COL5A1: variants seen among roughly 807,000 people sequenced by gnomAD.
The protein encoded by COL5A1 is collagen type V alpha 1 chain.
Under a neutral mutation model 263.7 loss-of-function variants are expected in COL5A1, and 16 were observed. The ratio of observed to expected loss-of-function variants is 0.06; its 90% CI spans 0.04 to 0.09. COL5A1 has a LOEUF of 0.09. Ranked by LOEUF, COL5A1 falls within the 10% of genes least tolerant of loss-of-function variation. The probability of loss-of-function intolerance (pLI) is 1.00; values close to 1 mark genes in which losing one functional copy is unlikely to be tolerated. For missense variants in COL5A1, 2,036 were observed against 2,540.5 expected (o/e 0.80, Z 4.27); for synonymous variants, 1,012 against 1,004.5 (o/e 1.01, Z -0.14).
At chr9:134,831,759 G>A (rs1839639031) in intron 64 of COL5A1, among the ~76,000 whole-genome samples, 2 of 152,216 alleles carry the variant, frequency 1.3e-5, no homozygotes, top group East Asian at 1.9e-4. Flanking sequence ...TTCCTCGCTT[G>A]GAGGAAATGG....
At chr9:134,684,219 A>G (rs1216121428) in intron 1 of COL5A1, among the ~76,000 whole-genome samples, 1 of 152,132 alleles carries the variant, frequency 6.6e-6, no homozygotes, top group Non-Finnish European at 1.5e-5. Context: ...GTGCTCGGGC[A>G]CCAGTGGACG....
At chr9:134,656,187 GCTC>G (rs1386967038) in intron 1 of COL5A1, among the ~76,000 whole-genome samples, 1 of 152,152 alleles carries the variant, frequency 6.6e-6, no homozygotes, top group Admixed American at 6.5e-5. Flanking sequence ...GGGGCCTGCG[GCTC>G]CTCGTCCTGC....
intron 63 of COL5A1, among the ~76,000 whole-genome samples, chr9:134,828,682 A>T (rs371788582): frequency 9.4e-3 from 1 of 106 alleles, no homozygotes; most frequent in East Asian, 0.5. Flanking sequence ...TGCGCCATAC[A>T]CACCACACAT....
rs200793746 is a variant in COL5A1 at position 134,824,868 on chromosome 9, G to A, written c.4954+13G>A. On this transcript the variant is annotated intron_variant, in intron 62 of 65. Transcript: ENST00000371817. ...GACTTCCCAGATGGTGAGGGCCTGG[G>A]GGGGCAGGGGTGGCCCCCCAAAGCG... 2 of 1,606,610 alleles carry A rather than the reference G, an allele frequency of 1.2e-6. No individual in the cohort carries two copies. The highest frequency in any genetic ancestry group is 1.7e-5 in the Admixed American group (1 of 59,322).
intron 6 of COL5A1, among the ~76,000 whole-genome samples, chr9:134,729,526 G>C (rs1834793298): frequency 6.6e-6 from 1 of 151,342 alleles, no homozygotes; most frequent in Non-Finnish European, 1.5e-5. Flanking sequence ...GTGTGTGTGA[G>C]CGTGTGTGCA....
chr9:134,785,234 C>G (rs1837413677), intron 30 of COL5A1, 138 bp downstream of exon 30: 11 of 654,966 alleles, frequency 1.7e-5, no homozygotes, highest in Non-Finnish European at 3.0e-5. Context: ...TGTCTCCACC[C>G]TGGGTTCTCT....
chr9:134,745,408 A>T (rs1835474455), intron 11 of COL5A1, among the ~76,000 whole-genome samples: 1 of 152,128 alleles, frequency 6.6e-6, no homozygotes, highest in Admixed American at 6.5e-5. Context: ...CATCACGGTC[A>T]GTTAGTGGCA....
intron 4 of COL5A1, among the ~76,000 whole-genome samples, chr9:134,726,071 A>T (rs1834638000): frequency 6.6e-6 from 1 of 152,192 alleles, no homozygotes; most frequent in African/African-American, 2.4e-5. Flanking sequence ...TCACCTCTTT[A>T]AAAATACTCT....
At chr9:134,766,312 C>T (rs1293646478) in intron 21 of COL5A1, 142 bp from the exon 22 acceptor site, 1 of 803,138 alleles carries the variant, frequency 1.2e-6, no homozygotes, top group African/African-American at 1.7e-5. Context: ...GGAGTCAGGT[C>T]CTTCCCTTCC....
intron 59 of COL5A1, among the ~76,000 whole-genome samples, 180 bp downstream of exon 59, chr9:134,822,330 G>A (rs1443450438): frequency 6.6e-6 from 1 of 152,202 alleles, no homozygotes; most frequent in Non-Finnish European, 1.5e-5. Flanking sequence ...CAGAAGAAAG[G>A]AAGTGGCGTT....
intron 1 of COL5A1, among the ~76,000 whole-genome samples, chr9:134,690,692 G>T (rs57723882): frequency 6.6e-6 from 1 of 152,216 alleles, no homozygotes; most frequent in East Asian, 1.9e-4. Flanking sequence ...GTCTGCCCCC[G>T]GTATGTGGCT....
At chr9:134,720,262 C>G (rs1353390586) in intron 4 of COL5A1, among the ~76,000 whole-genome samples, 1 of 152,192 alleles carries the variant, frequency 6.6e-6, no homozygotes, top group African/African-American at 2.4e-5. Flanking sequence ...CTTCCTGTCC[C>G]CATCCCCTGA....
At chr9:134,766,606 G>A in intron 22 of COL5A1, 108 bp downstream of exon 22, 1 of 1,199,134 alleles carries the variant, frequency 8.3e-7, no homozygotes, top group East Asian at 2.4e-5. Context: ...GGAACATGAA[G>A]GGCAGGTTGC....
intron 27 of COL5A1, among the ~76,000 whole-genome samples, chr9:134,775,519 C>G (rs912487582): frequency 6.6e-6 from 1 of 152,218 alleles, no homozygotes; most frequent in African/African-American, 2.4e-5. Flanking sequence ...GAGCAATATC[C>G]CAGACACAGG....
At chr9:134,664,917 A>G (rs556674028) in intron 1 of COL5A1, among the ~76,000 whole-genome samples, 1 of 150,700 alleles carries the variant, frequency 6.6e-6, no homozygotes, top group South Asian at 2.1e-4. Flanking sequence ...CAAAAACTAG[A>G]GCTGGGCACG....
At chr9:134,689,241 C>T (rs1363161452) in intron 1 of COL5A1, among the ~76,000 whole-genome samples, 1 of 152,180 alleles carries the variant, frequency 6.6e-6, no homozygotes, top group Non-Finnish European at 1.5e-5. Flanking sequence ...AGAGAGGAAA[C>T]CTGCGTGGCC....
chr9:134,812,771 T>A, intron 48 of COL5A1, 59 bp downstream of exon 48: 1 of 735,976 alleles, frequency 1.4e-6, no homozygotes, highest in Non-Finnish European at 1.9e-6. Context: ...TGTGTGTGTG[T>A]GTCTGTGTGT....
At chr9:134,717,885 G>T (rs565921945) in intron 4 of COL5A1, among the ~76,000 whole-genome samples, 1 of 152,120 alleles carries the variant, frequency 6.6e-6, no homozygotes, top group African/African-American at 2.4e-5. Context: ...AGGCAGTCAT[G>T]GGGGGGCTGG....
chr9:134,707,820 G>T (rs1181029499), intron 4 of COL5A1, among the ~76,000 whole-genome samples: 6 of 152,362 alleles, frequency 3.9e-5, no homozygotes, highest in Non-Finnish European at 8.8e-5. Context: ...GGAGCCCGCA[G>T]CCCATCACTG....
Sources: gnomAD v4.1 joint callset for allele counts (sites outside exome capture counted in the v4.1 genomes callset) on GRCh38, gnomAD v4.1.1 for gene constraint, MANE v1.5 for transcripts, NCBI Gene and HGNC (gene_info 2026-07-23, HGNC 2026-07-21) for gene names.